SOX5: variants seen among roughly 807,000 people sequenced by gnomAD.
SOX5 encodes transcription factor SOX-5.
Under a neutral mutation model 92.0 loss-of-function variants are expected in SOX5, and 9 were observed. The observed-to-expected ratio is 0.10, with a 90% CI of 0.06 to 0.17. The LOEUF is 0.17. SOX5 is among the 10% of genes least tolerant of loss of function. The pLI is 1.00. For missense variants in SOX5, 642 were observed against 944.5 expected, an observed-to-expected ratio of 0.68 and a Z score of 4.20; for synonymous variants, 344 against 336.3, an observed-to-expected ratio of 1.02 and a Z score of -0.25.
intron 4 of SOX5, among the ~76,000 whole-genome samples, chr12:24,116,155 C>A (rs953306242): frequency 6.6e-6 from 1 of 152,040 alleles, no homozygotes; most frequent in Non-Finnish European, 1.5e-5. Context: ...GCAGAAGATG[C>A]CTTAAATACC....
chr12:24,042,878 C>A (rs1462874912), intron 4 of SOX5, among the ~76,000 whole-genome samples: 1 of 152,156 alleles, frequency 6.6e-6, no homozygotes, highest in Non-Finnish European at 1.5e-5. Context: ...TTCCTTATTT[C>A]TCAATGATTT....
At chr12:24,175,991 T>TA (rs34722388) in intron 4 of SOX5, among the ~76,000 whole-genome samples, 60,357 of 148,960 alleles carry the variant, frequency 0.41, 12,521 homozygotes, top group Middle Eastern at 0.48. Flanking sequence ...CAAGATCCAT[T>TA]AAAAAAAAAA....
At chr12:24,322,410 G>A (rs1950288847) in intron 2 of SOX5, among the ~76,000 whole-genome samples, 1 of 151,790 alleles carries the variant, frequency 6.6e-6, no homozygotes, top group South Asian at 2.1e-4. Flanking sequence ...AGATAACAAA[G>A]TCTGTGCTAA....
At chr12:23,812,538 A>G (rs2095895401) in intron 3 of SOX5, among the ~76,000 whole-genome samples, 1 of 152,058 alleles carries the variant, frequency 6.6e-6, no homozygotes, top group Non-Finnish European at 1.5e-5. Flanking sequence ...TAGCTATTAG[A>G]TCTCTTTAGA....
intron 1 of SOX5, among the ~76,000 whole-genome samples, chr12:23,929,956 G>T (rs1941023655): frequency 6.6e-6 from 1 of 151,692 alleles, no homozygotes; most frequent in South Asian, 2.1e-4. Flanking sequence ...CAATCAACAG[G>T]CTGTTCAAAA....
intron 1 of SOX5, among the ~76,000 whole-genome samples, chr12:24,416,950 T>C (rs1965117685): frequency 6.6e-6 from 1 of 152,176 alleles, no homozygotes; most frequent in African/African-American, 2.4e-5. Context: ...ATGGTTCAGG[T>C]GGAGTTGGCC....
At position 23,763,247 on chromosome 12, in the gene SOX5, T is replaced by C. The variant is rs1452276073; in HGVS notation, c.482-7523A>G. On this transcript the variant is annotated intron_variant, in intron 3 of 14. Coordinates refer to ENST00000451604, the MANE Select transcript of SOX5 (RefSeq NM_006940.6). ...TCATATGCTTGTTGTGAGAAGTAAA[T>C]GAGATAATTTATGTAACGCCATTAA... Among the ~76,000 whole-genome samples the C allele has an allele frequency of 2.6e-5, 4 of 152,150 alleles. No individual in the cohort carries two copies. The South Asian group carries it at 8.3e-4, about 31-fold the overall frequency.
At chr12:23,902,525 C>G (rs907946210) in intron 1 of SOX5, among the ~76,000 whole-genome samples, 1 of 152,138 alleles carries the variant, frequency 6.6e-6, no homozygotes, top group African/African-American at 2.4e-5. Flanking sequence ...GCAGAAGCAA[C>G]ATTGTCCAAT....
intron 3 of SOX5, among the ~76,000 whole-genome samples, chr12:24,242,420 T>C (rs1965709969): frequency 6.6e-6 from 1 of 152,196 alleles, no homozygotes; most frequent in Admixed American, 6.6e-5. Context: ...AATGTTTCAA[T>C]GTATGTGTCA....
intron 1 of SOX5, among the ~76,000 whole-genome samples, chr12:23,906,525 C>T (rs906511521): frequency 7.9e-5 from 12 of 152,272 alleles, no homozygotes; most frequent in Middle Eastern, 3.4e-3. Flanking sequence ...TGGAGTCATA[C>T]GGCTGGTCTC....
At chr12:23,967,810 T>C (rs928478933) in intron 4 of SOX5, among the ~76,000 whole-genome samples, 2 of 152,216 alleles carry the variant, frequency 1.3e-5, no homozygotes, top group African/African-American at 4.8e-5. Context: ...CCTCTGATTG[T>C]TCTGGCTTTG....
At chr12:23,716,687 G>GC (rs2092520983) in intron 6 of SOX5, among the ~76,000 whole-genome samples, 1 of 152,060 alleles carries the variant, frequency 6.6e-6, no homozygotes, top group East Asian at 1.9e-4. Context: ...CTCTTATAAG[G>GC]CCCTCTTATA....
intron 11 of SOX5, among the ~76,000 whole-genome samples, chr12:23,555,917 C>G (rs1023831590): frequency 2.0e-5 from 3 of 152,100 alleles, no homozygotes; most frequent in Admixed American, 2.0e-4. Context: ...CTATAGACAG[C>G]CTATACTCAA....
chr12:23,880,362 C>T (rs1032298919), intron 2 of SOX5, among the ~76,000 whole-genome samples: 4 of 152,152 alleles, frequency 2.6e-5, no homozygotes, highest in African/African-American at 9.7e-5. Context: ...CTTTAATTCA[C>T]CCCTTCCTTT....
At chr12:24,182,104 T>A (rs927678418) in intron 4 of SOX5, among the ~76,000 whole-genome samples, 3 of 152,150 alleles carry the variant, frequency 2.0e-5, no homozygotes, top group Non-Finnish European at 4.4e-5. Context: ...TCCCCCAAAT[T>A]TTTAGAGATA....
intron 4 of SOX5, among the ~76,000 whole-genome samples, chr12:24,000,991 A>G (rs1313434304): frequency 1.3e-5 from 2 of 152,228 alleles, no homozygotes; most frequent in African/African-American, 2.4e-5. Flanking sequence ...ACTATTTTCA[A>G]GAATACATGG....
chr12:24,345,627 C>T (rs1351902486), intron 2 of SOX5, among the ~76,000 whole-genome samples: 1 of 151,898 alleles, frequency 6.6e-6, no homozygotes, highest in Non-Finnish European at 1.5e-5. Context: ...ATTGATACTC[C>T]CAACGGAAAA....
chr12:23,911,600 G>A (rs901236309), intron 1 of SOX5, among the ~76,000 whole-genome samples: 1 of 151,926 alleles, frequency 6.6e-6, no homozygotes, highest in Non-Finnish European at 1.5e-5. Context: ...TTTAAATGAT[G>A]TATACCTTTT....
intron 1 of SOX5, among the ~76,000 whole-genome samples, chr12:24,392,832 C>A (rs889361885): frequency 3.3e-5 from 5 of 152,018 alleles, no homozygotes; most frequent in African/African-American, 7.3e-5. Flanking sequence ...ACATCTAAGA[C>A]TATAACTTAT....
Sources: gnomAD v4.1 joint callset for allele counts (sites outside exome capture counted in the v4.1 genomes callset) on GRCh38, gnomAD v4.1.1 for gene constraint, MANE v1.5 for transcripts, NCBI Gene and HGNC (gene_info 2026-07-23, HGNC 2026-07-21) for gene names.